SLC35F4: variants seen among roughly 807,000 people sequenced by gnomAD.
SLC35F4 encodes the protein solute carrier family 35 member F4, also known as chromosome 14 open reading frame 36.
A neutral mutation model predicts 44.2 loss-of-function variants in SLC35F4; 24 were observed. The observed-to-expected ratio is 0.54, with a 90% CI of 0.39 to 0.76. The LOEUF is 0.76. Ranked by LOEUF, SLC35F4 falls within the 30% of genes least tolerant of loss-of-function variation. The pLI, the probability that SLC35F4 is intolerant of heterozygous loss-of-function variation, is 0.00. For missense variants in SLC35F4, 562 were observed against 586.1 expected, an observed-to-expected ratio of 0.96 and a Z score of 0.42; for synonymous variants, 238 against 223.6, an observed-to-expected ratio of 1.06 and a Z score of -0.57.
At chr14:57,674,471 A>G (rs2140282493) in intron 1 of SLC35F4, among the ~76,000 whole-genome samples, 1 of 152,302 alleles carries the variant, frequency 6.6e-6, no homozygotes, top group South Asian at 2.1e-4. Context: ...TTGCCCAGGC[A>G]TCCATCACCA....
chr14:57,609,616 A>G (rs2071373285), intron 1 of SLC35F4, among the ~76,000 whole-genome samples: 1 of 152,216 alleles, frequency 6.6e-6, no homozygotes, highest in South Asian at 2.1e-4. Flanking sequence ...TGAGCATAGA[A>G]TATTTAAAAT....
At chr14:57,900,646 A>G (rs928347751) in intron 1 of SLC35F4, among the ~76,000 whole-genome samples, 4 of 152,258 alleles carry the variant, frequency 2.6e-5, no homozygotes, top group African/African-American at 9.6e-5. Context: ...AAAAATGCCA[A>G]AAGCAATTGC....
At chr14:57,825,757 C>T (rs1004874376) in intron 1 of SLC35F4, among the ~76,000 whole-genome samples, 37 of 152,076 alleles carry the variant, frequency 2.4e-4, no homozygotes, top group Admixed American at 1.3e-4. Context: ...TGAATGAACT[C>T]CCATTCACAA....
chr14:57,708,827 C>G (rs1244993215), intron 1 of SLC35F4, among the ~76,000 whole-genome samples: 1 of 152,014 alleles, frequency 6.6e-6, no homozygotes, highest in South Asian at 2.1e-4. Flanking sequence ...TGTGAGCCAT[C>G]TCCAATGATA....
chr14:57,892,059 T>C (rs1448626489), intron 1 of SLC35F4, among the ~76,000 whole-genome samples: 1 of 152,214 alleles, frequency 6.6e-6, no homozygotes, highest in African/African-American at 2.4e-5. Context: ...AATATGGGAA[T>C]CATCTTTCAA....
intron 1 of SLC35F4, among the ~76,000 whole-genome samples, chr14:57,813,792 A>C (rs1882248225): frequency 6.6e-6 from 1 of 152,156 alleles, no homozygotes; most frequent in South Asian, 2.1e-4. Flanking sequence ...TGTGGTGGGA[A>C]TCACAGAGAC....
intron 1 of SLC35F4, among the ~76,000 whole-genome samples, chr14:57,754,759 A>G (rs951378597): frequency 2.0e-5 from 3 of 152,256 alleles, no homozygotes; most frequent in African/African-American, 7.2e-5. Flanking sequence ...GATAAGAATC[A>G]GTGAAATAAA....
Position 57,790,935 on chromosome 14 carries a change from G to A in SLC35F4, c.103+74788C>T, listed in dbSNP as rs560637113. ...CTGGGAAAACTGGCTAGCCGTATGC[G>A]GAAAACTGAAACTGGACCCATTCCT... On this transcript the variant is annotated intron_variant, in intron 1 of 7. Coordinates refer to ENST00000556826, the MANE Select transcript of SLC35F4 (RefSeq NM_001306087.2). Among the ~76,000 whole-genome samples, 22 of 152,102 alleles carry A rather than the reference G, an allele frequency of 1.4e-4. No individual in the cohort carries two copies. In the South Asian group the frequency reaches 1.7e-3, roughly 11 times the overall value.
intron 1 of SLC35F4, among the ~76,000 whole-genome samples, chr14:57,619,843 C>T (rs1230369649): frequency 1.1e-4 from 16 of 151,982 alleles, no homozygotes. Context: ...CAGAGAAGAA[C>T]ACATATAACC....
intron 1 of SLC35F4, among the ~76,000 whole-genome samples, chr14:57,769,026 G>A (rs1384833818): frequency 6.6e-6 from 1 of 152,026 alleles, no homozygotes; most frequent in Admixed American, 6.6e-5. Context: ...CCATTTTTTA[G>A]TTGCTCTAAA....
chr14:57,651,310 T>C (rs529298953), intron 1 of SLC35F4, among the ~76,000 whole-genome samples: 2 of 152,344 alleles, frequency 1.3e-5, no homozygotes, highest in Admixed American at 6.5e-5. Flanking sequence ...GGTAATGACC[T>C]ACTGGAGTTT....
chr14:57,564,162 A>G lies in SLC35F4; in HGVS notation c.1431T>C (p.Asn477=). ...SIHLRGRGRA[N]GTVSIPLA ...AAGCCAGTGGTATAGACACTGTCCC[A>G]TTGGCTCTGCCTCTGCCCCGCAGGT... is the stretch of plus-strand genomic sequence containing the variant. Residue 477 remains asparagine (N), a synonymous_variant, in exon 8 of 8, where the codon AAT becomes AAC. Transcript: ENST00000556826. 6.2e-7 allele frequency: 1 copy of G among 1,613,794 alleles called. No individual in the cohort carries two copies.
At chr14:57,813,602 A>G (rs1882224482) in intron 1 of SLC35F4, among the ~76,000 whole-genome samples, 1 of 152,162 alleles carries the variant, frequency 6.6e-6, no homozygotes, top group Non-Finnish European at 1.5e-5. Flanking sequence ...TTCCTTATAA[A>G]AAGTATTTTA....
At chr14:57,914,436 G>A (rs808218) in intron 1 of SLC35F4, among the ~76,000 whole-genome samples, 29,675 of 152,004 alleles carry the variant, frequency 0.2, 3,099 homozygotes, top group Admixed American at 0.23. Context: ...GGTGGCGGGC[G>A]CCTGTAGTCT....
rs1022620929 is a variant in SLC35F4, at chr14:57,706,872, A to G, written c.104-112748T>C. 2.0e-5 allele frequency among the ~76,000 whole-genome samples: 3 copies of G among 152,322 alleles called. 1 individual carries two copies. Among genetic ancestry groups the G allele is most frequent in the African/African-American group, 2.4e-5 (1 of 41,576 alleles). ...GAATGTGAATTTTCTCTTAAGGCCA[A>G]TAGGAAGCTATTGAAGGGCTTTGAG... On this transcript the variant is annotated intron_variant, in intron 1 of 7. Transcript: ENST00000556826.
At chr14:57,960,685 G>T (rs1890321183) in intron 1 of SLC35F4, among the ~76,000 whole-genome samples, 1 of 152,126 alleles carries the variant, frequency 6.6e-6, no homozygotes, top group Non-Finnish European at 1.5e-5. Context: ...GATCCCTAGA[G>T]GTAACTAAGA....
intron 1 of SLC35F4, among the ~76,000 whole-genome samples, chr14:57,792,864 TCA>T (rs2077961595): frequency 6.7e-6 from 1 of 148,602 alleles, no homozygotes. Flanking sequence ...ATCTCAGAAA[TCA>T]CCACTAAAGA....
intron 1 of SLC35F4, among the ~76,000 whole-genome samples, chr14:57,900,132 GTTTTACAGAGCACTGTTTGGTGCA>G (rs929914187): frequency 6.7e-6 from 1 of 149,492 alleles, no homozygotes; most frequent in Non-Finnish European, 1.5e-5. Flanking sequence ...TGATTGGTGC[GTTTTACAGAGCACTGTTTGGTGCA>G]TTTTACAATC....
chr14:57,596,894 C>G, intron 1 of SLC35F4: 1 of 1,366,868 alleles, frequency 7.3e-7, no homozygotes, highest in Non-Finnish European at 9.8e-7. Flanking sequence ...AGTAGTTCAT[C>G]CATGACAGAC....
Sources: allele counts gnomAD v4.1 joint callset (sites outside exome capture counted in the v4.1 genomes callset), GRCh38; gene constraint gnomAD v4.1.1; transcripts MANE v1.5; gene names NCBI Gene and HGNC (gene_info 2026-07-23, HGNC 2026-07-21).